CDH12: variants seen among roughly 807,000 people sequenced by gnomAD.
CDH12 encodes the protein cadherin 12.
In CDH12, 41 loss-of-function variants were observed where a neutral mutation model predicts 74.1. The observed-to-expected ratio is 0.55, with a 90% CI of 0.43 to 0.72. The LOEUF (loss-of-function observed/expected upper bound fraction) is 0.72. CDH12 is among the 30% of genes least tolerant of loss of function. The probability of loss-of-function intolerance (pLI) is 0.00; values close to 1 mark genes in which losing one functional copy is unlikely to be tolerated. For synonymous variants in CDH12, 399 were observed against 355.0 expected (o/e 1.12, Z -1.39); for missense variants, 945 against 977.2 (o/e 0.97, Z 0.44).
chr5:22,149,888 G>A (rs764663185), intron 4 of CDH12, among the ~76,000 whole-genome samples: 16 of 152,132 alleles, frequency 1.1e-4, no homozygotes, highest in African/African-American at 3.9e-4. Flanking sequence ...CCAGCTTCTC[G>A]GGAGGCTGAG....
intron 1 of CDH12, among the ~76,000 whole-genome samples, chr5:22,588,945 T>C (rs1345392651): frequency 2.0e-5 from 3 of 152,212 alleles, no homozygotes; most frequent in East Asian, 1.9e-4. Flanking sequence ...CACGCCATTA[T>C]ACTATCTTTA....
At chr5:21,864,367 T>C (rs1450132670) in intron 6 of CDH12, among the ~76,000 whole-genome samples, 3 of 152,130 alleles carry the variant, frequency 2.0e-5, no homozygotes, top group African/African-American at 7.2e-5. Context: ...GTAGATACCA[T>C]ACAATCAGTT....
chr5:22,256,587 G>C (rs1753326205), intron 3 of CDH12, among the ~76,000 whole-genome samples: 2 of 152,006 alleles, frequency 1.3e-5, no homozygotes, highest in African/African-American at 4.8e-5. Flanking sequence ...ACAGTGTCAG[G>C]CAGGACATTC....
At chr5:22,375,776 T>C (rs1741494879) in intron 3 of CDH12, among the ~76,000 whole-genome samples, 1 of 151,694 alleles carries the variant, frequency 6.6e-6, no homozygotes, top group African/African-American at 2.4e-5. Flanking sequence ...TGGCTATTAT[T>C]GAAAAGACAA....
chr5:21,837,468 G>GT (rs11321099), intron 8 of CDH12, among the ~76,000 whole-genome samples: 3,231 of 139,040 alleles, frequency 0.023, 77 homozygotes, highest in African/African-American at 0.062. Flanking sequence ...CTGGAGAAAG[G>GT]TTTTTTTTTT....
In CDH12 at chr5:22,039,318, A is replaced by C. The variant is rs181794174; in HGVS notation, c.231+39128T>G. Among the ~76,000 whole-genome samples the C allele has an allele frequency of 5.2e-3, 798 of 152,156 alleles. 2 individuals are homozygous for C. Among genetic ancestry groups the C allele is most frequent in the Non-Finnish European group, 7.2e-3 (493 of 68,002 alleles). ...ACCCAGGGGCAAAGTCAAAAGCTATAATCTATACTCCTGAACCTAAGCTAC... is the reference window on the plus strand; with the variant it reads ...ACCCAGGGGCAAAGTCAAAAGCTATCATCTATACTCCTGAACCTAAGCTAC... On this transcript the variant is annotated intron_variant, in intron 5 of 14. Transcript: ENST00000382254.
chr5:22,357,300 T>C (rs191204784), intron 3 of CDH12, among the ~76,000 whole-genome samples: 1 of 152,174 alleles, frequency 6.6e-6, no homozygotes, highest in Non-Finnish European at 1.5e-5. Context: ...TGTTTACTTA[T>C]ATGTCTGTTT....
intron 6 of CDH12, among the ~76,000 whole-genome samples, chr5:21,968,832 C>T (rs1184135763): frequency 6.6e-6 from 1 of 152,054 alleles, no homozygotes; most frequent in South Asian, 2.1e-4. Flanking sequence ...TTTGCAGGGA[C>T]GTGGATGAAG....
chr5:21,878,900 G>T (rs1461196270), intron 6 of CDH12, among the ~76,000 whole-genome samples: 1 of 135,192 alleles, frequency 7.4e-6, no homozygotes, highest in Non-Finnish European at 1.6e-5. Flanking sequence ...AAAGAAGAAA[G>T]AAAAAGAAAA....
chr5:21,824,455 C>T (rs776397018), intron 8 of CDH12, among the ~76,000 whole-genome samples: 2 of 152,096 alleles, frequency 1.3e-5, no homozygotes, highest in Admixed American at 6.6e-5. Context: ...GGCAGATTCT[C>T]GCTTCAAGGA....
intron 8 of CDH12, among the ~76,000 whole-genome samples, chr5:21,833,287 ACATATAATATATATTATATGTTATATGT>A (rs1326521205): frequency 5.6e-5 from 3 of 53,828 alleles, no homozygotes; most frequent in South Asian, 5.8e-4. Context: ...ATGTTATATA[ACATATAATATATATTATATGTTATATGT>A]TATATAATAT....
intron 3 of CDH12, among the ~76,000 whole-genome samples, chr5:22,227,978 TAGAC>T (rs1752252905): frequency 6.6e-6 from 1 of 152,178 alleles, no homozygotes; most frequent in Non-Finnish European, 1.5e-5. Flanking sequence ...AGTGCAGATT[TAGAC>T]AGTGCTGGGA....
intron 1 of CDH12, among the ~76,000 whole-genome samples, chr5:22,831,659 G>A (rs780842260): frequency 6.6e-6 from 1 of 152,054 alleles, no homozygotes; most frequent in Non-Finnish European, 1.5e-5. Context: ...CACATTGGGA[G>A]CCCGAGGCGG....
chr5:21,783,707 ATAT>A (rs1373444777), intron 10 of CDH12, among the ~76,000 whole-genome samples: 3 of 152,142 alleles, frequency 2.0e-5, no homozygotes, highest in African/African-American at 7.2e-5. Flanking sequence ...CCTGCTGTTC[ATAT>A]TATTTTAGGG....
At chr5:21,851,796 AT>A in intron 7 of CDH12, among the ~76,000 whole-genome samples, 1 of 151,488 alleles carries the variant, frequency 6.6e-6, no homozygotes, top group African/African-American at 2.4e-5. Context: ...ATCCACTTAG[AT>A]AGAGATGCTG....
At chr5:22,379,301 G>A (rs1284968359) in intron 3 of CDH12, among the ~76,000 whole-genome samples, 1 of 152,122 alleles carries the variant, frequency 6.6e-6, no homozygotes, top group African/African-American at 2.4e-5. Flanking sequence ...AGAAAGGAAA[G>A]TATGATATGG....
At chr5:22,507,672 A>C (rs528808086) in intron 1 of CDH12, among the ~76,000 whole-genome samples, 3 of 152,178 alleles carry the variant, frequency 2.0e-5, no homozygotes, top group Non-Finnish European at 4.4e-5. Context: ...CATCTATATT[A>C]GATATTTTGG....
chr5:22,323,695 T>C (rs1162776443), intron 3 of CDH12, among the ~76,000 whole-genome samples: 5 of 152,128 alleles, frequency 3.3e-5, no homozygotes, highest in Non-Finnish European at 5.9e-5. Context: ...TGGTGAAACA[T>C]GATTAAGAGA....
Position 22,430,022 on chromosome 5 carries a change from T to C in CDH12, c.-427-24671A>G, listed in dbSNP as rs938610291. 2.0e-5 allele frequency among the ~76,000 whole-genome samples: 3 copies of C among 152,336 alleles called. No homozygotes were observed. In the South Asian group the frequency reaches 6.2e-4, roughly 32 times the overall value. The stretch of plus-strand genomic sequence containing the variant: ...CCCAGGGTAATCTATTGGTTACAGA[T>C]GGTAACTACCATTTGCATGATCAAG... On this transcript the variant is annotated intron_variant, in intron 2 of 14. Coordinates refer to ENST00000382254, the MANE Select transcript of CDH12 (RefSeq NM_004061.5).
Sources: allele counts gnomAD v4.1 joint callset (sites outside exome capture counted in the v4.1 genomes callset), GRCh38; gene constraint gnomAD v4.1.1; transcripts MANE v1.5; gene names NCBI Gene and HGNC (gene_info 2026-07-23, HGNC 2026-07-21).